CERS6: variants seen among roughly 807,000 people sequenced by gnomAD.
CERS6 encodes LAG1 homolog, ceramide synthase 6.
Under a neutral mutation model 56.8 loss-of-function variants are expected in CERS6, and 26 were observed. The ratio of observed to expected loss-of-function variants is 0.46; its 90% CI spans 0.34 to 0.63. The LOEUF is 0.63. CERS6 is among the 30% of genes least tolerant of loss of function. The pLI is 0.01. For synonymous variants in CERS6, 164 were observed against 173.3 expected (o/e 0.95, Z 0.42); for missense variants, 415 against 467.5 (o/e 0.89, Z 1.04).
At chr2:168,680,761 C>A (rs1686195071) in intron 4 of CERS6, among the ~76,000 whole-genome samples, 1 of 152,214 alleles carries the variant, frequency 6.6e-6, no homozygotes, top group Admixed American at 6.5e-5. Flanking sequence ...TGTGAGGATG[C>A]TGCAAGAAGA....
chr2:168,738,376 A>G (rs973853417), intron 8 of CERS6, among the ~76,000 whole-genome samples: 3 of 152,210 alleles, frequency 2.0e-5, no homozygotes, highest in Non-Finnish European at 4.4e-5. Flanking sequence ...AAATAATGGC[A>G]ACTTACCAGG....
At position 168,456,684 on chromosome 2, in the gene CERS6, GCT is replaced by G; in HGVS notation, c.170+71_170+72del. 6.7e-7 allele frequency: 1 copy of G among 1,496,136 alleles called. No homozygotes were observed. 92.7% of individuals were successfully genotyped at this position (1,496,136 alleles called of 1,614,324 possible). A position where few individuals can be genotyped will look rare whatever the true frequency, so the allele number is the denominator to read the frequency against. On this transcript the variant is annotated intron_variant, in intron 1 of 9. Coordinates refer to ENST00000305747, the MANE Select transcript of CERS6 (RefSeq NM_203463.3). This position sits in a 1 kb window ranked among gnomAD's most constrained non-coding sequence, Gnocchi z 4.1. ...CACACACGCGCGCACACACTCGCGC[GCT>G]CTCTGGCGCACGCCCCCGCGCCCCC... is the stretch of plus-strand genomic sequence containing the variant.
At position 168,696,871 on chromosome 2, in the gene CERS6, C is replaced by T. The variant is rs569160912; in HGVS notation, c.609+1820C>T. ...TAGTCCCCAGCAAGCAAGATATGTT[C>T]GCCTTTGCACCCCCATGACTATCAG... On this transcript the variant is annotated intron_variant, in intron 6 of 9. Transcript: ENST00000305747. Among the ~76,000 whole-genome samples the T allele has an allele frequency of 3.9e-5, 6 of 152,262 alleles. No individual in the cohort carries two copies. In the East Asian group the frequency reaches 5.8e-4, roughly 15 times the overall value.
intron 4 of CERS6, among the ~76,000 whole-genome samples, chr2:168,656,693 T>G (rs1314890658): frequency 6.6e-6 from 1 of 152,162 alleles, no homozygotes; most frequent in African/African-American, 2.4e-5. Context: ...GTAGCAAGAT[T>G]TATTGCAAAG....
chr2:168,456,306 C>CGGA lies in CERS6; in HGVS notation c.-137_-135dup, dbSNP rs1693646048. 3 of 322,346 alleles carry CGGA rather than the reference C, an allele frequency of 9.3e-6. No individual in the cohort carries two copies. The highest frequency in any genetic ancestry group is 1.5e-5 in the Non-Finnish European group (3 of 205,924). 20.0% of individuals were successfully genotyped at this position (322,346 alleles called of 1,614,324 possible). ...CGCGAGCCTTCGAGAGCAGCGGCCG[C>CGGA]GGAGGAGGCGGCGGCGGCGGGCGGG... On this transcript the variant is annotated 5_prime_UTR_variant, in exon 1 of 10. Transcript: ENST00000305747. This position sits in a 1 kb window ranked among gnomAD's most constrained non-coding sequence, Gnocchi z 4.1.
At chr2:168,505,730 T>G (rs918120111) in intron 1 of CERS6, among the ~76,000 whole-genome samples, 3 of 152,192 alleles carry the variant, frequency 2.0e-5, no homozygotes, top group Non-Finnish European at 4.4e-5. Flanking sequence ...ATTCCCCTTG[T>G]CTCCCCACAG....
At chr2:168,563,922 A>G (rs1558999976) in intron 3 of CERS6, among the ~76,000 whole-genome samples, 1 of 152,196 alleles carries the variant, frequency 6.6e-6, no homozygotes, top group Non-Finnish European at 1.5e-5. Context: ...AACTGGGTCA[A>G]TGTCAGTGGC....
intron 9 of CERS6, among the ~76,000 whole-genome samples, chr2:168,766,529 C>G (rs1684735967): frequency 6.6e-6 from 1 of 152,206 alleles, no homozygotes; most frequent in Non-Finnish European, 1.5e-5. Flanking sequence ...TGTTAGGGCC[C>G]TTTGGTGTGA....
At chr2:168,760,955 C>T (rs1684564186) in intron 8 of CERS6, among the ~76,000 whole-genome samples, 1 of 152,070 alleles carries the variant, frequency 6.6e-6, no homozygotes. Flanking sequence ...GACGGGGTTT[C>T]ACTGTGTTAG....
At chr2:168,635,246 C>T (rs1684837023) in intron 4 of CERS6, among the ~76,000 whole-genome samples, 1 of 152,172 alleles carries the variant, frequency 6.6e-6, no homozygotes, top group Non-Finnish European at 1.5e-5. Context: ...CCAGAGAAGA[C>T]TTCTGACAAG....
In CERS6 at chr2:168,497,245, G is replaced by A. The variant is rs1009210153; in HGVS notation, c.170+40627G>A. On this transcript the variant is annotated intron_variant, in intron 1 of 9. Coordinates refer to ENST00000305747, the MANE Select transcript of CERS6 (RefSeq NM_203463.3). ...TGTTAGAAACAGTTTTGTCTAGTCC[G>A]ACTAGAAGGAATTAACTTGGATTTT... Among the ~76,000 whole-genome samples the A allele has an allele frequency of 2.2e-4, 34 of 152,162 alleles. 1 individual carries two copies.
intron 1 of CERS6, among the ~76,000 whole-genome samples, chr2:168,486,519 G>GTTTTTTTTTTTTTTTTTTTTTTTT (rs200121622): frequency 7.6e-6 from 1 of 130,974 alleles, no homozygotes; most frequent in Non-Finnish European, 1.6e-5. Flanking sequence ...TCTAGATTTG[G>GTTTTTTTTTTTTTTTTTTTTTTTT]TTTTGTTTTT....
chr2:168,508,659 A>G (rs1694722913), intron 1 of CERS6, among the ~76,000 whole-genome samples: 1 of 152,080 alleles, frequency 6.6e-6, no homozygotes, highest in Non-Finnish European at 1.5e-5. Context: ...GCAGCTGAAC[A>G]ATGGGAACAC....
intron 9 of CERS6, among the ~76,000 whole-genome samples, chr2:168,767,487 T>G (rs1239529943): frequency 6.6e-6 from 1 of 152,246 alleles, no homozygotes; most frequent in African/African-American, 2.4e-5. Context: ...ACTCACAATG[T>G]TTAAGTTCAA....
chr2:168,679,204 C>G (rs1041453450), intron 4 of CERS6, among the ~76,000 whole-genome samples: 1 of 152,084 alleles, frequency 6.6e-6, no homozygotes, highest in Non-Finnish European at 1.5e-5. Flanking sequence ...CGTTTGTCAA[C>G]AAGTGTAAAG....
intron 2 of CERS6, among the ~76,000 whole-genome samples, chr2:168,559,461 G>A (rs1695744718): frequency 6.6e-6 from 1 of 151,978 alleles, no homozygotes; most frequent in Admixed American, 6.6e-5. Context: ...CTTCCTGGTT[G>A]GCACATGGCC....
chr2:168,605,503 C>A (rs1684031754), intron 3 of CERS6, among the ~76,000 whole-genome samples: 1 of 152,200 alleles, frequency 6.6e-6, no homozygotes. Flanking sequence ...TTCAAGCAGG[C>A]TGCAGAAATT....
At chr2:168,623,227 G>T (rs1472302848) in intron 3 of CERS6, among the ~76,000 whole-genome samples, 1 of 152,180 alleles carries the variant, frequency 6.6e-6, no homozygotes, top group Non-Finnish European at 1.5e-5. Flanking sequence ...CATGGAAACA[G>T]TAGAATAGTG....
intron 1 of CERS6, among the ~76,000 whole-genome samples, chr2:168,465,339 T>C (rs948971663): frequency 5.3e-5 from 8 of 152,180 alleles, no homozygotes; most frequent in African/African-American, 1.9e-4. Flanking sequence ...GATGGCACTT[T>C]CTTACTGTAT....
Sources: allele counts gnomAD v4.1 joint callset (sites outside exome capture counted in the v4.1 genomes callset), GRCh38; gene constraint gnomAD v4.1.1; non-coding constraint Gnocchi (gnomAD v3.1); transcripts MANE v1.5; gene names NCBI Gene and HGNC (gene_info 2026-07-23, HGNC 2026-07-21).